Variants in ZNF704 observed in about 807,000 individuals in gnomAD.
The protein encoded by ZNF704 is zinc finger protein 704.
ZNF704 carries 10 observed loss-of-function variants against 44.7 expected under a neutral mutation model. The observed-to-expected ratio is 0.22, with a 90% CI of 0.14 to 0.38. ZNF704 has a LOEUF of 0.38. Among genes scored for constraint, ZNF704 ranks in the 10% least tolerant of loss-of-function variants. The pLI is 1.00. For missense variants in ZNF704, 390 were observed against 545.5 expected (o/e 0.71, Z 2.84); for synonymous variants, 211 against 207.6 (o/e 1.02, Z -0.14).
chr8:80,771,027 C>T (rs1237586532), intron 2 of ZNF704, among the ~76,000 whole-genome samples: 1 of 152,132 alleles, frequency 6.6e-6, no homozygotes, highest in Non-Finnish European at 1.5e-5. Context: ...ACCAGTTAGG[C>T]TCATTTGTGT....
chr8:80,644,957 TG>T, intron 7 of ZNF704: 1 of 1,133,454 alleles, frequency 8.8e-7, no homozygotes, highest in Non-Finnish European at 1.3e-6. Flanking sequence ...TCTCGGGTAG[TG>T]GGTGCCGGAA....
chr8:80,767,887 A>G (rs1364483165), intron 2 of ZNF704, among the ~76,000 whole-genome samples: 1 of 152,180 alleles, frequency 6.6e-6, no homozygotes, highest in African/African-American at 2.4e-5. Context: ...ACACATTTTA[A>G]GAATATCTGG....
chr8:80,690,906 G>A (rs765028075), intron 3 of ZNF704, among the ~76,000 whole-genome samples: 48 of 152,096 alleles, frequency 3.2e-4, no homozygotes, highest in Non-Finnish European at 5.9e-4. Context: ...CTACTTGGGA[G>A]ACTGAGGCAT....
At chr8:80,853,113 C>T (rs1586076344) in intron 1 of ZNF704, among the ~76,000 whole-genome samples, 4 of 152,290 alleles carry the variant, frequency 2.6e-5, no homozygotes, top group South Asian at 2.1e-4. Flanking sequence ...CACCTATAAC[C>T]CCAACACGTT....
intron 2 of ZNF704, among the ~76,000 whole-genome samples, chr8:80,764,638 G>C (rs1455825974): frequency 6.6e-6 from 1 of 152,162 alleles, no homozygotes; most frequent in Admixed American, 6.5e-5. Context: ...TACATTTGGA[G>C]AGTGGTTGTG....
chr8:80,805,845 C>T (rs1213645268), intron 2 of ZNF704, among the ~76,000 whole-genome samples: 2 of 152,128 alleles, frequency 1.3e-5, no homozygotes, highest in African/African-American at 4.8e-5. Flanking sequence ...TCTCACTTGG[C>T]TCCTGTACGT....
In ZNF704 at chr8:80,777,597, G is replaced by A. The variant is rs550969888; in HGVS notation, c.221+43777C>T. 1.2e-3 allele frequency among the ~76,000 whole-genome samples: 189 copies of A among 152,052 alleles called. 2 individuals carry two copies. The highest frequency in any genetic ancestry group is 4.5e-3 in the African/African-American group (185 of 41,460). On this transcript the variant is annotated intron_variant, in intron 2 of 8. Coordinates refer to ENST00000327835, the MANE Select transcript of ZNF704 (RefSeq NM_001033723.3). ...CTGAATCATATGAAAGTAACCCATGGGCCAGGCATGGTAGCTCACACCTGT... is the reference window on the plus strand; with the variant it reads ...CTGAATCATATGAAAGTAACCCATGAGCCAGGCATGGTAGCTCACACCTGT...
chr8:80,822,007 T>C (rs979480513), intron 1 of ZNF704, among the ~76,000 whole-genome samples: 5 of 152,222 alleles, frequency 3.3e-5, no homozygotes, highest in Non-Finnish European at 7.3e-5. Context: ...AGCTAATGTA[T>C]AAAATCTAAC....
rs559556595 is a variant in ZNF704 at position 80,743,417 on chromosome 8, TAAATA to T, written c.222-50315_222-50311del. ...AAACATCTCCACATGTAACGATAAA[TAAATA>T]AATATAAACTAATAGTGGGTAAACA... On this transcript the variant is annotated intron_variant, in intron 2 of 8. Coordinates refer to ENST00000327835, the MANE Select transcript of ZNF704 (RefSeq NM_001033723.3). Among the ~76,000 whole-genome samples the T allele has an allele frequency of 7.8e-3, 1,188 of 152,240 alleles. 8 individuals are homozygous for T. Among genetic ancestry groups the T allele is most frequent in the South Asian group, 0.024 (115 of 4,824 alleles).
chr8:80,670,482 CT>C lies in ZNF704; in HGVS notation c.659+20del. On this transcript the variant is annotated intron_variant, in intron 5 of 8. Transcript: ENST00000327835. ...GACTGAGCAGATGGGGGCTGCATCC[CT>C]GAAGAGAGAGCTGCCTTACCCCAGA... 6.3e-7 allele frequency: 1 copy of C among 1,592,728 alleles called. No homozygotes were observed. Among genetic ancestry groups the C allele is most frequent in the Non-Finnish European group, 8.6e-7 (1 of 1,160,834 alleles).
At chr8:80,750,409 T>C (rs1006294760) in intron 2 of ZNF704, among the ~76,000 whole-genome samples, 3 of 152,030 alleles carry the variant, frequency 2.0e-5, no homozygotes, top group Non-Finnish European at 4.4e-5. Context: ...TAGTATAACA[T>C]ATGCAATATG....
intron 4 of ZNF704, among the ~76,000 whole-genome samples, chr8:80,675,625 T>C (rs887533661): frequency 6.6e-6 from 1 of 152,108 alleles, no homozygotes. Context: ...ATTCAAGACA[T>C]AGTTTGGAGG....
chr8:80,713,802 T>C (rs1819030280), intron 2 of ZNF704, among the ~76,000 whole-genome samples: 1 of 152,228 alleles, frequency 6.6e-6, no homozygotes, highest in Non-Finnish European at 1.5e-5. Flanking sequence ...TTAAGATTGA[T>C]TTCAGCAAAG....
intron 1 of ZNF704, among the ~76,000 whole-genome samples, chr8:80,866,830 T>C (rs1809163308): frequency 6.6e-6 from 1 of 152,200 alleles, no homozygotes; most frequent in Non-Finnish European, 1.5e-5. Context: ...TATCACTATG[T>C]TGCCCAGGTT....
intron 2 of ZNF704, among the ~76,000 whole-genome samples, chr8:80,798,053 CT>C (rs1319649582): frequency 6.6e-6 from 1 of 151,828 alleles, no homozygotes; most frequent in Non-Finnish European, 1.5e-5. Flanking sequence ...TTTTTTTGCT[CT>C]TTTTTTCATT....
At position 80,630,723 on chromosome 8, in the gene ZNF704, T is replaced by TA. The variant is rs368590660; in HGVS notation, c.*10642dup. Reference sequence around the variant, plus strand: ...TTTTTCTTATCCTGAGTTCTTCTTCTAAGTATATAGGATTTTGATACGCAA... The same window carrying TA: ...TTTTTCTTATCCTGAGTTCTTCTTCTAAAGTATATAGGATTTTGATACGCAA... On this transcript the variant is annotated 3_prime_UTR_variant, in exon 9 of 9. Coordinates refer to ENST00000327835, the MANE Select transcript of ZNF704 (RefSeq NM_001033723.3). 9 of 152,312 alleles carry TA rather than the reference T, an allele frequency of 5.9e-5. No individual in the cohort carries two copies. Among genetic ancestry groups the TA allele is most frequent in the African/African-American group, 1.9e-4 (8 of 41,558 alleles). 9.4% of individuals were successfully genotyped at this position (152,312 alleles called of 1,614,324 possible).
intron 2 of ZNF704, among the ~76,000 whole-genome samples, chr8:80,798,976 A>G (rs1807855628): frequency 6.6e-6 from 1 of 152,198 alleles, no homozygotes; most frequent in Admixed American, 6.5e-5. Flanking sequence ...GACATGGCAA[A>G]AGAGTCTGAG....
intron 2 of ZNF704, among the ~76,000 whole-genome samples, chr8:80,764,540 G>T (rs981612471): frequency 2.6e-5 from 4 of 152,160 alleles, no homozygotes; most frequent in African/African-American, 9.6e-5. Flanking sequence ...TGGGGACAGA[G>T]AACTAAACCT....
chr8:80,702,614 G>A (rs1450097711), intron 2 of ZNF704, among the ~76,000 whole-genome samples: 1 of 152,098 alleles, frequency 6.6e-6, no homozygotes, highest in Non-Finnish European at 1.5e-5. Flanking sequence ...GGAAAAGATG[G>A]GGACAAATTG....
Sources: gnomAD v4.1 joint callset for allele counts (sites outside exome capture counted in the v4.1 genomes callset) on GRCh38, gnomAD v4.1.1 for gene constraint, MANE v1.5 for transcripts, NCBI Gene and HGNC (gene_info 2026-07-23, HGNC 2026-07-21) for gene names.